Variants in ERP44 observed in about 807,000 individuals in gnomAD.
ERP44 encodes the protein endoplasmic reticulum protein 44, also known as endoplasmic reticulum resident protein 44.
A neutral mutation model predicts 53.4 loss-of-function variants in ERP44; 25 were observed. That is an observed-to-expected ratio of 0.47 (90% CI 0.34 to 0.65). ERP44 has a LOEUF of 0.65. Among genes scored for constraint, ERP44 ranks in the 30% least tolerant of loss-of-function variants. The pLI is 0.01. For synonymous variants in ERP44, 145 were observed against 161.2 expected, an observed-to-expected ratio of 0.90 and a Z score of 0.76; for missense variants, 338 against 493.2, an observed-to-expected ratio of 0.69 and a Z score of 2.98.
intron 1 of ERP44, among the ~76,000 whole-genome samples, chr9:100,073,895 C>T (rs1045877581): frequency 9.9e-5 from 15 of 152,170 alleles, no homozygotes; most frequent in Admixed American, 8.5e-4. Context: ...CCTATCCTTA[C>T]TACATTCAAT....
At chr9:100,007,772 C>T in intron 8 of ERP44, 83 bp from the exon 9 acceptor site, 1 of 795,940 alleles carries the variant, frequency 1.3e-6, no homozygotes. Flanking sequence ...AATTTTGAAC[C>T]CAACCCATGT....
intron 1 of ERP44, among the ~76,000 whole-genome samples, chr9:100,086,001 A>G (rs1826477037): frequency 6.6e-6 from 1 of 152,238 alleles, no homozygotes; most frequent in African/African-American, 2.4e-5. Flanking sequence ...TCCTTACTAA[A>G]TTCAACTAGA....
intron 1 of ERP44, among the ~76,000 whole-genome samples, chr9:100,068,019 G>A (rs1360862978): frequency 6.6e-6 from 1 of 150,530 alleles, no homozygotes; most frequent in Non-Finnish European, 1.5e-5. Flanking sequence ...GCCCCGTCCG[G>A]GAGGGAGGTG....
chr9:100,068,619 G>A (rs1475966504), intron 1 of ERP44, among the ~76,000 whole-genome samples: 48 of 147,070 alleles, frequency 3.3e-4, no homozygotes, highest in Middle Eastern at 3.8e-3. Context: ...AGGGAGGTGG[G>A]GGGGTCAGCC....
At chr9:100,013,383 A>G (rs1344216576) in intron 8 of ERP44, among the ~76,000 whole-genome samples, 3 of 151,938 alleles carry the variant, frequency 2.0e-5, no homozygotes, top group Non-Finnish European at 4.4e-5. Flanking sequence ...GAGTAATAAT[A>G]ATAATAATAA....
At chr9:99,987,332 G>T (rs1830204931) in intron 10 of ERP44, among the ~76,000 whole-genome samples, 1 of 152,126 alleles carries the variant, frequency 6.6e-6, no homozygotes, top group South Asian at 2.1e-4. Flanking sequence ...AAATAAATGG[G>T]CCCTTGCCAT....
chr9:100,043,291 A>AAAAAAAGAAAAAG, intron 4 of ERP44, among the ~76,000 whole-genome samples: 1 of 74,878 alleles, frequency 1.3e-5, no homozygotes, highest in Non-Finnish European at 2.3e-5. Flanking sequence ...AAAAAAAAAA[A>AAAAAAAGAAAAAG]GATAAATAAG....
At chr9:99,999,556 G>C (rs769348951) in intron 10 of ERP44, among the ~76,000 whole-genome samples, 21 of 151,924 alleles carry the variant, frequency 1.4e-4, no homozygotes, top group Non-Finnish European at 2.8e-4. Context: ...TGATTTGTTT[G>C]GATTCTTTAT....
At chr9:100,056,790 G>GTATAACTGGA (rs1489997623) in intron 3 of ERP44, among the ~76,000 whole-genome samples, 1 of 152,178 alleles carries the variant, frequency 6.6e-6, no homozygotes, top group African/African-American at 2.4e-5. Flanking sequence ...AAGAAGTTTA[G>GTATAACTGGA]TATAACTGGA....
chr9:100,084,123 A>G (rs577459602), intron 1 of ERP44, among the ~76,000 whole-genome samples: 1 of 152,196 alleles, frequency 6.6e-6, no homozygotes, highest in Non-Finnish European at 1.5e-5. Flanking sequence ...ACCAAAGGAT[A>G]TTATAATTTG....
intron 7 of ERP44, among the ~76,000 whole-genome samples, chr9:100,017,827 T>A (rs924586072): frequency 6.6e-6 from 1 of 152,216 alleles, no homozygotes; most frequent in Non-Finnish European, 1.5e-5. Context: ...ACAACCTAGC[T>A]GCTCCTTATT....
intron 1 of ERP44, among the ~76,000 whole-genome samples, chr9:100,067,197 G>C (rs918763198): frequency 1.3e-5 from 2 of 151,620 alleles, no homozygotes; most frequent in African/African-American, 4.9e-5. Context: ...CTCTCCCCAC[G>C]GTCTCCCTCT....
At chr9:100,007,514 G>A in intron 9 of ERP44, 64 bp downstream of exon 9, 3 of 845,494 alleles carry the variant, frequency 3.5e-6, no homozygotes, top group South Asian at 2.8e-5. Flanking sequence ...GAGAGGAGAT[G>A]ATGAAAGGGA....
chr9:99,983,338 G>A (rs1007134584), intron 11 of ERP44, among the ~76,000 whole-genome samples: 9 of 151,910 alleles, frequency 5.9e-5, no homozygotes, highest in Admixed American at 3.3e-4. Context: ...GAGGTCAGGA[G>A]ATCGAGACCA....
Position 100,040,964 on chromosome 9 carries a change from C to T in ERP44, c.286+11453G>A, listed in dbSNP as rs1410593504. ...TAACCAAAGAAATGAAAGATCTCTA[C>T]AATGATAATTATAAAACATCGATGG... is the stretch of plus-strand genomic sequence containing the variant. On this transcript the variant is annotated intron_variant, in intron 4 of 11. Coordinates refer to ENST00000262455, the MANE Select transcript of ERP44 (RefSeq NM_015051.3). 3.3e-5 allele frequency among the ~76,000 whole-genome samples: 5 copies of T among 151,708 alleles called. 1 individual carries two copies. The highest frequency in any genetic ancestry group is 1.2e-4 in the African/African-American group (5 of 41,280).
Position 100,098,970 on chromosome 9 carries a change from T to A in ERP44, c.-130A>T, listed in dbSNP as rs1826705978. On this transcript the variant is annotated 5_prime_UTR_variant, in exon 1 of 12. Coordinates refer to ENST00000262455, the MANE Select transcript of ERP44 (RefSeq NM_015051.3). Reference sequence around the variant, plus strand: ...GGATTCTCCAGGCAGCGGCACCTCGTCCTCTCGACCCGGGCTCCAGCGGCG... The same window carrying A: ...GGATTCTCCAGGCAGCGGCACCTCGACCTCTCGACCCGGGCTCCAGCGGCG... The A allele has an allele frequency of 2.9e-6, 2 of 697,340 alleles. No homozygotes were observed. Among genetic ancestry groups the A allele is most frequent in the East Asian group, 2.8e-5 (1 of 35,882 alleles). The allele number at this position is 697,340 out of a possible 1,614,324, so 43.2% of individuals were successfully genotyped here. A position where few individuals can be genotyped will look rare whatever the true frequency, so the allele number is the denominator to read the frequency against.
chr9:99,979,606 T>C lies in ERP44; in HGVS notation c.*3006A>G. On this transcript the variant is annotated 3_prime_UTR_variant, in exon 12 of 12. Transcript: ENST00000262455. ...TCTAAAAGTTTCCATCCTTTTATGG[T>C]CCCCCTCACAATTTGAAAAACTCGA... The C allele has an allele frequency of 9.1e-6, 2 of 219,220 alleles. No homozygotes were observed. The highest frequency in any genetic ancestry group is 5.7e-5 in the Admixed American group (1 of 17,408). 13.6% of individuals were successfully genotyped at this position (219,220 alleles called of 1,614,324 possible). A position where few individuals can be genotyped will look rare whatever the true frequency, so the allele number is the denominator to read the frequency against.
intron 1 of ERP44, among the ~76,000 whole-genome samples, chr9:100,094,166 G>T (rs935266211): frequency 6.6e-6 from 1 of 151,928 alleles, no homozygotes; most frequent in African/African-American, 2.4e-5. Flanking sequence ...CAGTTAAAAA[G>T]AAATAGGCAA....
At chr9:100,066,411 T>C (rs1329540156) in intron 1 of ERP44, among the ~76,000 whole-genome samples, 1 of 152,216 alleles carries the variant, frequency 6.6e-6, no homozygotes, top group African/African-American at 2.4e-5. Flanking sequence ...AAATAGAAGC[T>C]TCAATAAGGG....
Sources: allele counts gnomAD v4.1 joint callset (sites outside exome capture counted in the v4.1 genomes callset), GRCh38; gene constraint gnomAD v4.1.1; transcripts MANE v1.5; gene names NCBI Gene and HGNC (gene_info 2026-07-23, HGNC 2026-07-21).